Variants in GPS1 observed in about 807,000 individuals in gnomAD.
The protein encoded by GPS1 is COP9 signalosome complex subunit 1.
Under a neutral mutation model 60.0 loss-of-function variants are expected in GPS1, and 11 were observed. That is an observed-to-expected ratio of 0.18 (90% CI 0.12 to 0.30). The LOEUF (loss-of-function observed/expected upper bound fraction) is 0.30. GPS1 is among the 10% of genes least tolerant of loss of function. The pLI is 1.00. For synonymous variants in GPS1, 343 were observed against 269.8 expected (o/e 1.27, Z -2.66); for missense variants, 543 against 669.2 (o/e 0.81, Z 2.08).
In GPS1 at chr17:82,053,384, G is replaced by C; in HGVS notation, c.126+18G>C. On this transcript the variant is annotated intron_variant, in intron 2 of 12. Coordinates refer to ENST00000578552, the MANE Select transcript of GPS1 (RefSeq NM_001321092.3). ...CCAGCCTGGTACGGAGCCCAGTGGG[G>C]GGACCTTGGGTGTCTCAGTCCTGCT... The C allele has an allele frequency of 6.9e-7, 1 of 1,448,490 alleles. No individual in the cohort carries two copies. Among genetic ancestry groups the C allele is most frequent in the East Asian group, 2.7e-5 (1 of 36,806 alleles). 89.7% of individuals were successfully genotyped at this position (1,448,490 alleles called of 1,614,324 possible).
At chr17:82,051,486 G>T (rs945168430), upstream of GPS1, 1 of 1,365,260 alleles carries the variant, frequency 7.3e-7, no homozygotes, top group Middle Eastern at 2.7e-4. The surrounding 1 kb of genome is among the most constrained non-coding windows in gnomAD (Gnocchi z 4.1). Context: ...CGTCGGGGTC[G>T]GGGTCCGGCG....
At chr17:82,051,117 T>C (rs112257445), upstream of GPS1, 12 of 1,334,960 alleles carry the variant, frequency 9.0e-6, no homozygotes, top group African/African-American at 1.2e-4. This position sits in a 1 kb window ranked among gnomAD's most constrained non-coding sequence, Gnocchi z 4.1. Flanking sequence ...GGAGCAGAGC[T>C]TGGCTGGCAG....
upstream of GPS1, chr17:82,051,504 T>C: frequency 7.2e-7 from 1 of 1,382,232 alleles, no homozygotes; most frequent in Non-Finnish European, 9.4e-7. This position sits in a 1 kb window ranked among gnomAD's most constrained non-coding sequence, Gnocchi z 4.1. Context: ...GCGCACCTGC[T>C]GGCGGGCCCG....
upstream of GPS1, chr17:82,051,651 G>T: frequency 9.6e-7 from 1 of 1,041,922 alleles, no homozygotes; most frequent in Non-Finnish European, 1.2e-6. This position sits in a 1 kb window ranked among gnomAD's most constrained non-coding sequence, Gnocchi z 4.1. Flanking sequence ...GGCCGGGGCG[G>T]GGGTCCGGGC....
chr17:82,055,281 G>A, intron 6 of GPS1, 59 bp downstream of exon 6: 1 of 1,504,352 alleles, frequency 6.6e-7, no homozygotes, highest in East Asian at 2.5e-5. Context: ...AGTCCTCCCA[G>A]CCCAGGGCAG....
At position 82,057,418 on chromosome 17, in the gene GPS1, T is replaced by G; in HGVS notation, c.*291T>G. ...TTCCCAGACCCCTCCTGTTCCCGCC[T>G]CAGTCAGGTGCAGACAAGTGGGCGG... On this transcript the variant is annotated 3_prime_UTR_variant, in exon 13 of 13. Transcript: ENST00000578552. 1 of 618,126 alleles carries G rather than the reference T, an allele frequency of 1.6e-6. No homozygotes were observed. Among genetic ancestry groups the G allele is most frequent in the South Asian group, 1.5e-5 (1 of 65,358 alleles). 38.3% of individuals were successfully genotyped at this position (618,126 alleles called of 1,614,324 possible).
upstream of GPS1, chr17:82,051,403 C>A: frequency 7.1e-7 from 1 of 1,409,194 alleles, no homozygotes; most frequent in East Asian, 2.9e-5. This position sits in a 1 kb window ranked among gnomAD's most constrained non-coding sequence, Gnocchi z 4.1. Flanking sequence ...ACCGACCCGC[C>A]CCGCGCGGAG....
Position 82,052,145 on chromosome 17 carries a change from C to T in GPS1, c.33+181C>T. The T allele has an allele frequency of 1.3e-5, 14 of 1,038,332 alleles. 1 individual carries two copies. In the South Asian group the frequency reaches 2.7e-4, roughly 20 times the overall value. The allele number at this position is 1,038,332 out of a possible 1,614,324, so 64.3% of individuals were successfully genotyped here. A position where few individuals can be genotyped will look rare whatever the true frequency, so the allele number is the denominator to read the frequency against. ...GGCCGAGGGCGCGTCTCCGCCGTGG[C>T]TGCGCGCTGCGATCGGGGGCCGCCG... is the stretch of plus-strand genomic sequence containing the variant. On this transcript the variant is annotated intron_variant, in intron 1 of 12. Transcript: ENST00000578552.
At position 82,057,448 on chromosome 17, in the gene GPS1, C is replaced by T. The variant is rs750469449; in HGVS notation, c.*321C>T. ...CAGGTGCAGACAAGTGGGCGGTGTCCATTAAAGAGCAGACTCAGCGTTGCT... is the reference window on the plus strand; with the variant it reads ...CAGGTGCAGACAAGTGGGCGGTGTCTATTAAAGAGCAGACTCAGCGTTGCT... On this transcript the variant is annotated 3_prime_UTR_variant, in exon 13 of 13. Transcript: ENST00000578552. 9 of 534,840 alleles carry T rather than the reference C, an allele frequency of 1.7e-5. No individual in the cohort carries two copies. Among genetic ancestry groups the T allele is most frequent in the East Asian group, 4.1e-5 (1 of 24,450 alleles). 33.1% of individuals were successfully genotyped at this position (534,840 alleles called of 1,614,324 possible).
chr17:82,055,707 T>TCCCCCCACCCCCCCC, intron 6 of GPS1, 33 bp from the exon 7 acceptor site: 1 of 1,038,626 alleles, frequency 9.6e-7, no homozygotes, highest in Non-Finnish European at 1.5e-6. Context: ...TTACCCCCTC[T>TCCCCCCACCCCCCCC]CCCCCCTCCC....
Position 82,054,603 on chromosome 17 carries a change from G to T in GPS1, c.402G>T (p.Ala134=). ...TAWVEATRKK[A]LLKLEKLDTD... ...GGGTGGAGGCCACGCGGAAGAAGGC[G>T]CTGCTGAAGCTGGAGAAGCTGGACA... Residue 134 remains alanine, a synonymous_variant, in exon 4 of 13, where the codon GCG becomes GCT. Transcript: ENST00000578552. 2 of 1,606,608 alleles carry T rather than the reference G, an allele frequency of 1.2e-6. No individual in the cohort carries two copies. The highest frequency in any genetic ancestry group is 1.7e-6 in the Non-Finnish European group (2 of 1,178,124).
At chr17:82,052,113 G>A (rs1598477612) in intron 1 of GPS1, 149 bp downstream of exon 1, 3 of 833,080 alleles carry the variant, frequency 3.6e-6, no homozygotes, top group Non-Finnish European at 4.5e-6. Flanking sequence ...CGCGTCGGGG[G>A]CTGCAGGGCC....
Position 82,054,731 on chromosome 17 carries a change from C to G in GPS1, c.530C>G (p.Ala177Gly). The G allele has an allele frequency of 6.2e-7, 1 of 1,612,400 alleles. No individual in the cohort carries two copies. Among genetic ancestry groups the G allele is most frequent in the Non-Finnish European group, 8.5e-7 (1 of 1,179,912 alleles). ...CTGGACTGTGGGGACCTCAGCAACG[C>G]CCTCAAGTGCTATTCCCGGGCCCGG... is the stretch of plus-strand genomic sequence containing the variant. ...HYLDCGDLSN[A>G]LKCYSRARDY... The change falls in exon 4 of 13, where the codon GCC becomes GGC. Residue 177 changes from alanine to glycine, a missense_variant. Physicochemically the swap from Ala to Gly is moderately conservative, Grantham distance 60 (BLOSUM62 0). This residue lies in a region of GPS1 where 71 missense variants were observed against 126.7 expected (regional missense o/e 0.56). Coordinates refer to ENST00000578552, the MANE Select transcript of GPS1 (RefSeq NM_001321092.3).
In GPS1 at chr17:82,051,918, G is replaced by A. The variant is rs1257818636; in HGVS notation, c.-14G>A. ...CCGGAAGTGGACGGCACGCCGCGGC[G>A]GGGTGGGTGCAAGATGCCGCTGCCG... On this transcript the variant is annotated 5_prime_UTR_variant, in exon 1 of 13. Coordinates refer to ENST00000578552, the MANE Select transcript of GPS1 (RefSeq NM_001321092.3). The surrounding 1 kb of genome is among the most constrained non-coding windows in gnomAD (Gnocchi z 4.1). 2 of 1,163,192 alleles carry A rather than the reference G, an allele frequency of 1.7e-6. No homozygotes were observed. Among genetic ancestry groups the A allele is most frequent in the African/African-American group, 1.6e-5 (1 of 61,178 alleles). The allele number at this position is 1,163,192 out of a possible 1,614,324, so 72.1% of individuals were successfully genotyped here. A position where few individuals can be genotyped will look rare whatever the true frequency, so the allele number is the denominator to read the frequency against.
At chr17:82,053,096 G>A (rs535023074) in intron 1 of GPS1, 178 bp from the exon 2 acceptor site, 10 of 438,676 alleles carry the variant, frequency 2.3e-5, no homozygotes, top group Non-Finnish European at 3.6e-5. Flanking sequence ...TGGCACAGGA[G>A]CCTGGGTGGG....
intron 1 of GPS1, chr17:82,052,959 G>C: frequency 3.7e-6 from 1 of 269,342 alleles, no homozygotes; most frequent in South Asian, 8.7e-5. Flanking sequence ...GGGGCCCTCA[G>C]AGGCCCCTGT....
chr17:82,051,564 C>T, upstream of GPS1: 3 of 1,376,624 alleles, frequency 2.2e-6, no homozygotes, highest in South Asian at 3.1e-5. This position sits in a 1 kb window ranked among gnomAD's most constrained non-coding sequence, Gnocchi z 4.1. Flanking sequence ...GTGGTTCTTC[C>T]GGGTGGTCTT....
upstream of GPS1, chr17:82,051,359 CTA>C (rs771177423): frequency 5.5e-6 from 8 of 1,464,840 alleles, 1 homozygote; most frequent in Admixed American, 1.9e-4. This position sits in a 1 kb window ranked among gnomAD's most constrained non-coding sequence, Gnocchi z 4.1. Context: ...GAGAAACAAT[CTA>C]TGAGGCTTCT....
chr17:82,056,494 C>T lies in GPS1; in HGVS notation c.1060C>T (p.Leu354=), dbSNP rs1247837719. The change falls in exon 10 of 13, where the codon CTG becomes TTG. Residue 354 remains leucine (L), a synonymous_variant. Coordinates refer to ENST00000578552, the MANE Select transcript of GPS1 (RefSeq NM_001321092.3). The part of the protein sequence containing the change: ...MKDNLLLDMY[L]APHVRTLYTQ... ...GGACAACCTGCTCCTGGACATGTAT[C>T]TGGCCCCCCATGTCAGGACCCTGTA... 1 of 1,613,096 alleles carries T rather than the reference C, an allele frequency of 6.2e-7. No individual in the cohort carries two copies. Among genetic ancestry groups the T allele is most frequent in the African/African-American group, 1.3e-5 (1 of 74,942 alleles).
Sources: allele counts gnomAD v4.1 joint callset, GRCh38; gene constraint gnomAD v4.1.1; regional missense constraint gnomAD v4.1.1; non-coding constraint Gnocchi (gnomAD v3.1); transcripts MANE v1.5; gene names NCBI Gene and HGNC (gene_info 2026-07-23, HGNC 2026-07-21).